PHKB: variants seen among roughly 807,000 people sequenced by gnomAD.
The protein encoded by PHKB is phosphorylase b kinase regulatory subunit beta.
In PHKB, 122 loss-of-function variants were observed where a neutral mutation model predicts 152.1. The observed-to-expected ratio is 0.80, with a 90% CI of 0.69 to 0.93. The LOEUF is 0.93. Ranked by LOEUF, PHKB falls within the 40% of genes least tolerant of loss-of-function variation. PHKB has a pLI of 0.00. For missense variants in PHKB, 1,304 were observed against 1,328.4 expected (o/e 0.98, Z 0.29); for synonymous variants, 436 against 464.9 (o/e 0.94, Z 0.80).
intron 10 of PHKB, among the ~76,000 whole-genome samples, chr16:47,589,774 G>A (rs987583923): frequency 2.6e-5 from 4 of 152,214 alleles, no homozygotes; most frequent in Middle Eastern, 3.4e-3. Context: ...GTATTGAAAG[G>A]TATTTTGGTT....
intron 25 of PHKB, among the ~76,000 whole-genome samples, chr16:47,667,790 G>A (rs1973565521): frequency 6.6e-6 from 1 of 152,174 alleles, no homozygotes; most frequent in South Asian, 2.1e-4. Flanking sequence ...ACCTGACACT[G>A]GGAGAAAGGG....
Position 47,511,876 on chromosome 16 carries a change from T to G in PHKB, c.513+104T>G, listed in dbSNP as rs140069922. The G allele has an allele frequency of 2.0e-3, 1,563 of 762,978 alleles. 21 individuals are homozygous for G. In the African/African-American group the frequency reaches 0.025, roughly 12 times the overall value. 47.3% of individuals were successfully genotyped at this position (762,978 alleles called of 1,614,324 possible). On this transcript the variant is annotated intron_variant, in intron 5 of 30. Transcript: ENST00000323584. ...GACTAGTTTTGTGGAAAACAAGTTTTCCACGGATGGGGTAGGGGCTAGATG... is the reference window on the plus strand; with the variant it reads ...GACTAGTTTTGTGGAAAACAAGTTTGCCACGGATGGGGTAGGGGCTAGATG...
intron 6 of PHKB, among the ~76,000 whole-genome samples, chr16:47,544,183 G>T (rs1971115003): frequency 6.6e-6 from 1 of 152,150 alleles, no homozygotes; most frequent in South Asian, 2.1e-4. Context: ...TGATGTTAGG[G>T]TGTCGATTTT....
At chr16:47,605,637 G>A (rs1011218629) in intron 13 of PHKB, among the ~76,000 whole-genome samples, 1 of 152,064 alleles carries the variant, frequency 6.6e-6, no homozygotes, top group Admixed American at 6.5e-5. Context: ...CCTGTATCAT[G>A]AGCTAAACTG....
At chr16:47,500,181 G>A (rs1169756767) in intron 3 of PHKB, among the ~76,000 whole-genome samples, 1 of 152,058 alleles carries the variant, frequency 6.6e-6, no homozygotes, top group African/African-American at 2.4e-5. Flanking sequence ...GGGATTACAG[G>A]CATGCACTAC....
chr16:47,477,747 T>C (rs1567272184), intron 1 of PHKB, among the ~76,000 whole-genome samples: 1 of 152,190 alleles, frequency 6.6e-6, no homozygotes, highest in Non-Finnish European at 1.5e-5. Context: ...ATACAAACTT[T>C]GAGCTATCTC....
chr16:47,605,377 C>T (rs1021356051), intron 13 of PHKB, among the ~76,000 whole-genome samples: 2 of 152,178 alleles, frequency 1.3e-5, no homozygotes, highest in South Asian at 4.1e-4. Flanking sequence ...TTTTGGAAGA[C>T]TTGGTTAACC....
intron 13 of PHKB, among the ~76,000 whole-genome samples, chr16:47,604,018 C>T (rs921896246): frequency 2.6e-5 from 4 of 152,180 alleles, no homozygotes; most frequent in Non-Finnish European, 5.9e-5. Context: ...CTTGTGTCAC[C>T]TGTAACCTCT....
intron 7 of PHKB, among the ~76,000 whole-genome samples, chr16:47,567,240 C>T (rs1225385676): frequency 6.6e-6 from 1 of 151,716 alleles, no homozygotes; most frequent in Non-Finnish European, 1.5e-5. Context: ...GCATGTTTTT[C>T]CATTTGTGTC....
At chr16:47,520,680 A>G (rs1970670856) in intron 6 of PHKB, among the ~76,000 whole-genome samples, 1 of 152,250 alleles carries the variant, frequency 6.6e-6, no homozygotes, top group African/African-American at 2.4e-5. Flanking sequence ...TGCATGGATT[A>G]TACAACTATC....
rs1973484829 is a variant in PHKB, at chr16:47,663,709, A to G, written c.2311A>G (p.Arg771Gly). 2.5e-6 allele frequency: 4 copies of G among 1,612,010 alleles called. No homozygotes were observed. The highest frequency in any genetic ancestry group is 2.2e-5 in the South Asian group (2 of 91,030). The change falls in exon 24 of 31, where the codon AGA (arginine) becomes GGA (glycine). Residue 771 changes from arginine to glycine, a missense_variant. Coordinates refer to ENST00000323584, the MANE Select transcript of PHKB (RefSeq NM_000293.3). ...TTCTGATCACATTGAGAGAGTCTATAGAAGAGCTGGCAGCCAAAAACTTTG... is the reference window on the plus strand; with the variant it reads ...TTCTGATCACATTGAGAGAGTCTATGGAAGAGCTGGCAGCCAAAAACTTTG... ...TVSDHIERVY[R>G]RAGSQKLWLA...
chr16:47,497,929 G>C (rs1477019025), intron 2 of PHKB, among the ~76,000 whole-genome samples: 2 of 152,142 alleles, frequency 1.3e-5, no homozygotes, highest in East Asian at 3.8e-4. Context: ...CAGGGCGCTT[G>C]TGTTTTGTTT....
Position 47,648,613 on chromosome 16 carries a change from A to G in PHKB, c.1689A>G (p.Ser563=). 1 of 1,606,728 alleles carries G rather than the reference A, an allele frequency of 6.2e-7. No individual in the cohort carries two copies. The highest frequency in any genetic ancestry group is 8.5e-7 in the Non-Finnish European group (1 of 1,173,342). The change falls in exon 17 of 31, where the codon TCA becomes TCG. Residue 563 remains serine (S), a synonymous_variant. Coordinates refer to ENST00000323584, the MANE Select transcript of PHKB (RefSeq NM_000293.3). ...GGCCCATTGGCTGCCTCGGGACATC[A>G]AAGGTACTCATGAAATGTCCTCAAA... The part of the protein sequence containing the change: ...PDRPIGCLGT[S]KIYRILGKTV...
chr16:47,628,808 C>G (rs1972761578), intron 14 of PHKB, among the ~76,000 whole-genome samples: 2 of 152,120 alleles, frequency 1.3e-5, no homozygotes, highest in East Asian at 1.9e-4. Context: ...CAGCATGGTA[C>G]TGGTACCAAA....
At chr16:47,537,902 C>CTCTCTCTCTCTCTCTCTCTCTT in intron 6 of PHKB, among the ~76,000 whole-genome samples, 1 of 149,332 alleles carries the variant, frequency 6.7e-6, no homozygotes, top group African/African-American at 2.5e-5. Flanking sequence ...CTCTCTCTCT[C>CTCTCTCTCTCTCTCTCTCTCTT]TTTTTAAGTT....
intron 1 of PHKB, among the ~76,000 whole-genome samples, chr16:47,483,559 T>C (rs537771994): frequency 1.3e-5 from 2 of 152,346 alleles, no homozygotes; most frequent in South Asian, 4.1e-4. Flanking sequence ...TATAAAGTGA[T>C]CCACTTGTAA....
rs557783415 is a variant in PHKB, at chr16:47,521,029, C to T, written c.594+5428C>T. Reference sequence around the variant, plus strand: ...ATTCTGTATACTAGGTTAAATGGAGCTTTTTAATTTTATTATCAGAATGTT... The same window carrying T: ...ATTCTGTATACTAGGTTAAATGGAGTTTTTTAATTTTATTATCAGAATGTT... On this transcript the variant is annotated intron_variant, in intron 6 of 30. Transcript: ENST00000323584. Among the ~76,000 whole-genome samples the T allele has an allele frequency of 2.8e-4, 43 of 152,038 alleles. No individual in the cohort carries two copies. In the South Asian group the frequency reaches 8.7e-3, roughly 31 times the overall value.
intron 4 of PHKB, chr16:47,505,604 T>A (rs1310114609): frequency 1.3e-5 from 2 of 152,234 alleles, no homozygotes; most frequent in African/African-American, 4.8e-5. Context: ...CTTTCCCTTC[T>A]AGACCCCGTG....
intron 6 of PHKB, among the ~76,000 whole-genome samples, chr16:47,523,111 C>T (rs1331272982): frequency 6.6e-6 from 1 of 151,874 alleles, no homozygotes; most frequent in Non-Finnish European, 1.5e-5. Flanking sequence ...AAGTCTTTGT[C>T]TAGTAAGTCC....
Sources: allele counts gnomAD v4.1 joint callset (sites outside exome capture counted in the v4.1 genomes callset), GRCh38; gene constraint gnomAD v4.1.1; transcripts MANE v1.5; gene names NCBI Gene and HGNC (gene_info 2026-07-23, HGNC 2026-07-21).